Variants in SLC16A10 observed in about 807,000 individuals in gnomAD.
The protein encoded by SLC16A10 is monocarboxylate transporter 10.
Under a neutral mutation model 40.0 loss-of-function variants are expected in SLC16A10, and 27 were observed. That is an observed-to-expected ratio of 0.67 (90% CI 0.50 to 0.93). SLC16A10 has a LOEUF of 0.93. Among genes scored for constraint, SLC16A10 ranks in the 40% least tolerant of loss-of-function variants. The probability of loss-of-function intolerance (pLI) is 0.00; values close to 1 mark genes in which losing one functional copy is unlikely to be tolerated. For synonymous variants in SLC16A10, 213 were observed against 249.8 expected (o/e 0.85, Z 1.39); for missense variants, 529 against 658.2 (o/e 0.80, Z 2.15).
At chr6:111,109,705 G>A (rs1184076576) in intron 1 of SLC16A10, among the ~76,000 whole-genome samples, 2 of 152,000 alleles carry the variant, frequency 1.3e-5, no homozygotes, top group East Asian at 1.9e-4. Flanking sequence ...TTCTGCCTTG[G>A]CCCCTCAAAG....
intron 3 of SLC16A10, among the ~76,000 whole-genome samples, chr6:111,205,224 G>A (rs1773235233): frequency 6.6e-6 from 1 of 152,144 alleles, no homozygotes; most frequent in Non-Finnish European, 1.5e-5. Flanking sequence ...TACATAAATG[G>A]GCTTTTAAAA....
intron 1 of SLC16A10, among the ~76,000 whole-genome samples, chr6:111,096,893 C>T (rs1175472084): frequency 6.6e-6 from 1 of 151,992 alleles, no homozygotes; most frequent in Non-Finnish European, 1.5e-5. Context: ...TGTGATGGCT[C>T]ACCATAACCT....
rs1162950277 is a variant in SLC16A10, at chr6:111,118,380, ACCT to A, written c.343+30286_343+30288del. 2.5e-3 allele frequency among the ~76,000 whole-genome samples: 385 copies of A among 152,254 alleles called. 2 individuals carry two copies. Among genetic ancestry groups the A allele is most frequent in the African/African-American group, 8.8e-3 (364 of 41,548 alleles). The stretch of plus-strand genomic sequence containing the variant: ...TTCATTCCCTCCAGTTCTGTCTAGC[ACCT>A]GTAAAGATGAATTATTGGCTGGGTG... On this transcript the variant is annotated intron_variant, in intron 1 of 5. Transcript: ENST00000368851.
chr6:111,171,089 A>C (rs1772577194), intron 1 of SLC16A10, among the ~76,000 whole-genome samples: 1 of 152,150 alleles, frequency 6.6e-6, no homozygotes, highest in South Asian at 2.1e-4. Flanking sequence ...GTGAGCAAAC[A>C]TTGCGTCACC....
chr6:111,147,371 T>C (rs2114511001), intron 1 of SLC16A10, among the ~76,000 whole-genome samples: 1 of 152,336 alleles, frequency 6.6e-6, no homozygotes, highest in Admixed American at 6.5e-5. Flanking sequence ...GTTCTAGCAT[T>C]CAGTGTTTAT....
chr6:111,132,670 A>G (rs1227221544), intron 1 of SLC16A10, among the ~76,000 whole-genome samples: 1 of 152,232 alleles, frequency 6.6e-6, no homozygotes, highest in East Asian at 1.9e-4. Flanking sequence ...AATAAAGGTA[A>G]CTTATTAACC....
intron 1 of SLC16A10, among the ~76,000 whole-genome samples, chr6:111,101,643 G>A (rs1164623442): frequency 6.6e-6 from 1 of 151,976 alleles, no homozygotes; most frequent in Non-Finnish European, 1.5e-5. Flanking sequence ...TTTTTTTTGA[G>A]ACAGAGTCTT....
At chr6:111,221,623 G>C (rs1225527573) in intron 5 of SLC16A10, among the ~76,000 whole-genome samples, 1 of 151,802 alleles carries the variant, frequency 6.6e-6, no homozygotes, top group African/African-American at 2.4e-5. Context: ...GCATGCACCT[G>C]TAGTCCCAGC....
At chr6:111,176,846 G>A (rs565415577) in intron 2 of SLC16A10, among the ~76,000 whole-genome samples, 1 of 152,022 alleles carries the variant, frequency 6.6e-6, no homozygotes, top group East Asian at 1.9e-4. Flanking sequence ...TTTGTTAATT[G>A]AATCACTGTT....
intron 1 of SLC16A10, among the ~76,000 whole-genome samples, chr6:111,115,481 T>C (rs939369906): frequency 6.6e-6 from 1 of 152,250 alleles, no homozygotes; most frequent in African/African-American, 2.4e-5. Flanking sequence ...ATTGTTGGGA[T>C]TACAGGCGTG....
At chr6:111,126,986 A>G (rs1320397343) in intron 1 of SLC16A10, among the ~76,000 whole-genome samples, 1 of 152,214 alleles carries the variant, frequency 6.6e-6, no homozygotes, top group African/African-American at 2.4e-5. Flanking sequence ...TTTTGCACCA[A>G]CCTGATATTT....
intron 1 of SLC16A10, among the ~76,000 whole-genome samples, chr6:111,137,627 C>T (rs1288815622): frequency 6.6e-6 from 1 of 152,212 alleles, no homozygotes; most frequent in Non-Finnish European, 1.5e-5. Flanking sequence ...CAAAGGCACC[C>T]CTCCCGAGGA....
At chr6:111,095,701 T>A (rs1326585109) in intron 1 of SLC16A10, among the ~76,000 whole-genome samples, 1 of 152,142 alleles carries the variant, frequency 6.6e-6, no homozygotes, top group African/African-American at 2.4e-5. Context: ...GTTCTTGTGA[T>A]AGTTAATAAG....
At chr6:111,136,043 A>G (rs1039546225) in intron 1 of SLC16A10, among the ~76,000 whole-genome samples, 1 of 152,256 alleles carries the variant, frequency 6.6e-6, no homozygotes, top group South Asian at 2.1e-4. Flanking sequence ...CATAACAGGC[A>G]TAACAGGTTT....
At position 111,087,756 on chromosome 6, in the gene SLC16A10, G is replaced by A; in HGVS notation, c.4G>A (p.Val2Met). Residue 2 changes from valine to methionine, a missense_variant, in exon 1 of 6, where the codon GTG becomes ATG. Coordinates refer to ENST00000368851, the MANE Select transcript of SLC16A10 (RefSeq NM_018593.5). ...CCTGAGGGGCCCGCCTCGGGCCATGGTGCTCTCCCAGGAGGAGCCGGACTC... is the reference window on the plus strand; with the variant it reads ...CCTGAGGGGCCCGCCTCGGGCCATGATGCTCTCCCAGGAGGAGCCGGACTC... MVLSQEEPDSAR... is the reference protein window; with the variant it reads MMLSQEEPDSAR... 1 of 1,214,310 alleles carries A rather than the reference G, an allele frequency of 8.2e-7. No individual in the cohort carries two copies. The highest frequency in any genetic ancestry group is 1.0e-6 in the Non-Finnish European group (1 of 977,360). 75.2% of individuals were successfully genotyped at this position (1,214,310 alleles called of 1,614,324 possible).
chr6:111,206,413 T>C (rs74503622), intron 3 of SLC16A10, among the ~76,000 whole-genome samples, 179 bp from the exon 4 acceptor site: 14,987 of 152,228 alleles, frequency 0.098, 882 homozygotes, highest in Non-Finnish European at 0.14. Flanking sequence ...TAAAACATGT[T>C]AATTTTTTTC....
intron 4 of SLC16A10, 46 bp from the exon 5 acceptor site, chr6:111,218,768 C>A: frequency 6.6e-7 from 1 of 1,506,162 alleles, no homozygotes; most frequent in Non-Finnish European, 9.2e-7. Context: ...GTAATTGTGA[C>A]ATTTGCTTCC....
intron 1 of SLC16A10, among the ~76,000 whole-genome samples, chr6:111,155,294 C>T (rs1216254437): frequency 2.0e-5 from 3 of 151,598 alleles, no homozygotes; most frequent in African/African-American, 7.3e-5. Context: ...CTTGACCTCC[C>T]AGCTCAGCCT....
Position 111,142,591 on chromosome 6 carries a change from T to C in SLC16A10, c.344-30104T>C, listed in dbSNP as rs566518920. Reference sequence around the variant, plus strand: ...CTAATAGATATCTCATCAAAGAAGATATATAGATGGCAAATAAGCATATGC... The same window carrying C: ...CTAATAGATATCTCATCAAAGAAGACATATAGATGGCAAATAAGCATATGC... On this transcript the variant is annotated intron_variant, in intron 1 of 5. Coordinates refer to ENST00000368851, the MANE Select transcript of SLC16A10 (RefSeq NM_018593.5). 4.6e-5 allele frequency among the ~76,000 whole-genome samples: 7 copies of C among 152,318 alleles called. No homozygotes were observed. In the East Asian group the frequency reaches 1.2e-3, roughly 25 times the overall value.
Sources: allele counts gnomAD v4.1 joint callset (sites outside exome capture counted in the v4.1 genomes callset), GRCh38; gene constraint gnomAD v4.1.1; transcripts MANE v1.5; gene names NCBI Gene and HGNC (gene_info 2026-07-23, HGNC 2026-07-21).